Variants in LARGE1 observed in about 807,000 individuals in gnomAD.
LARGE1 encodes the protein LARGE xylosyl- and glucuronyltransferase 1.
In LARGE1, 43 loss-of-function variants were observed where a neutral mutation model predicts 87.6. That is an observed-to-expected ratio of 0.49 (90% CI 0.38 to 0.63). LARGE1 has a LOEUF of 0.63. Among genes scored for constraint, LARGE1 ranks in the 30% least tolerant of loss-of-function variants. LARGE1 has a pLI of 0.00. For synonymous variants in LARGE1, 434 were observed against 394.6 expected (o/e 1.10, Z -1.18); for missense variants, 802 against 1,000.2 (o/e 0.80, Z 2.67).
At chr22:33,160,129 T>A (rs924503256), downstream of LARGE1, among the ~76,000 whole-genome samples, 7 of 152,208 alleles carry the variant, frequency 4.6e-5, no homozygotes, top group South Asian at 8.3e-4. Flanking sequence ...ACATTCAGTG[T>A]TAAGCTTTAC....
chr22:33,639,622 G>C (rs2080368957), intron 3 of LARGE1, among the ~76,000 whole-genome samples: 1 of 152,130 alleles, frequency 6.6e-6, no homozygotes, highest in Non-Finnish European at 1.5e-5. Flanking sequence ...AAGGTCACAA[G>C]ACTAATGAGT....
At chr22:33,545,361 T>C (rs4821161) in intron 6 of LARGE1, among the ~76,000 whole-genome samples, 71,889 of 148,644 alleles carry the variant, frequency 0.48, 17,734 homozygotes, top group Admixed American at 0.57. Flanking sequence ...CAGCCTCCTG[T>C]GTTCAACTCA....
At chr22:33,317,903 T>A (rs758812758) in intron 10 of LARGE1, among the ~76,000 whole-genome samples, 5 of 152,130 alleles carry the variant, frequency 3.3e-5, no homozygotes, top group Non-Finnish European at 4.4e-5. Flanking sequence ...GGTACATGGA[T>A]GTGCACTTTC....
At chr22:33,461,983 C>T (rs1437385479) in intron 6 of LARGE1, among the ~76,000 whole-genome samples, 2 of 152,188 alleles carry the variant, frequency 1.3e-5, no homozygotes, top group African/African-American at 2.4e-5. Context: ...CCTAGCTGAG[C>T]TCCTCCTGGG....
chr22:33,206,780 T>C (rs985665237), intron 11 of LARGE1, among the ~76,000 whole-genome samples: 6 of 152,248 alleles, frequency 3.9e-5, no homozygotes, highest in East Asian at 1.9e-4. Context: ...TGAACAATCA[T>C]GTACTTGGTG....
At chr22:33,740,974 AAG>A (rs2083859177) in intron 2 of LARGE1, among the ~76,000 whole-genome samples, 1 of 152,212 alleles carries the variant, frequency 6.6e-6, no homozygotes, top group Non-Finnish European at 1.5e-5. Context: ...AGAATCCCAG[AAG>A]AGTAGGCCTT....
chr22:33,416,589 A>G (rs1311498387), intron 7 of LARGE1, among the ~76,000 whole-genome samples: 1 of 151,826 alleles, frequency 6.6e-6, no homozygotes, highest in Non-Finnish European at 1.5e-5. Flanking sequence ...GTGCAAGTAG[A>G]CACCCATTTT....
intron 3 of LARGE1, among the ~76,000 whole-genome samples, chr22:33,645,003 A>G (rs1304746665): frequency 2.0e-5 from 3 of 152,242 alleles, no homozygotes; most frequent in Non-Finnish European, 4.4e-5. Flanking sequence ...TATATATTCA[A>G]TGCTATTCCC....
intron 11 of LARGE1, among the ~76,000 whole-genome samples, chr22:33,201,089 A>C (rs1234575520): frequency 6.6e-6 from 1 of 152,194 alleles, no homozygotes; most frequent in African/African-American, 2.4e-5. Flanking sequence ...CTGGGGGATC[A>C]CTTGAGGTCA....
chr22:33,615,153 A>G (rs1045908074), intron 4 of LARGE1, among the ~76,000 whole-genome samples: 4 of 152,166 alleles, frequency 2.6e-5, no homozygotes, highest in Non-Finnish European at 5.9e-5. Context: ...GCTAGATGGA[A>G]TCTTAGCATG....
chr22:33,466,693 TAC>T (rs536654371), intron 6 of LARGE1, among the ~76,000 whole-genome samples: 41 of 145,018 alleles, frequency 2.8e-4, no homozygotes, highest in East Asian at 8.2e-4. Flanking sequence ...TCTCTCTCTC[TAC>T]ACACACACAC....
intron 11 of LARGE1, among the ~76,000 whole-genome samples, chr22:33,264,638 G>C (rs1470536613): frequency 6.6e-6 from 1 of 152,128 alleles, no homozygotes; most frequent in Non-Finnish European, 1.5e-5. Flanking sequence ...CAGCCCGAGC[G>C]ACAGAGTGAG....
chr22:33,813,954 C>A (rs1402295311), intron 1 of LARGE1, among the ~76,000 whole-genome samples: 1 of 150,862 alleles, frequency 6.6e-6, no homozygotes, highest in African/African-American at 2.5e-5. Context: ...CACACTCTTG[C>A]AACAAGCCTA....
intron 2 of LARGE1, among the ~76,000 whole-genome samples, chr22:33,738,030 C>T (rs1018887547): frequency 6.6e-6 from 1 of 152,150 alleles, no homozygotes; most frequent in African/African-American, 2.4e-5. Flanking sequence ...TAATACAATT[C>T]AGTGTGAGGG....
At chr22:33,201,344 A>AAGAGAGAGAAAGAG (rs1415864224) in intron 11 of LARGE1, among the ~76,000 whole-genome samples, 47 of 90,682 alleles carry the variant, frequency 5.2e-4, no homozygotes, top group African/African-American at 2.2e-3. Context: ...GAGAGAAAGA[A>AAGAGAGAGAAAGAG]AGAGAGAGAA....
chr22:33,276,704 T>C (rs1461668768), intron 14 of LARGE1, among the ~76,000 whole-genome samples: 1 of 152,248 alleles, frequency 6.6e-6, no homozygotes, highest in Non-Finnish European at 1.5e-5. Context: ...CTTTGTCATG[T>C]ATATGGAACT....
At chr22:33,350,734 C>A (rs1002200386) in intron 9 of LARGE1, among the ~76,000 whole-genome samples, 1 of 152,196 alleles carries the variant, frequency 6.6e-6, no homozygotes, top group Non-Finnish European at 1.5e-5. Context: ...CTTTTGTCTG[C>A]CCCGCATCAC....
At chr22:33,849,752 C>G (rs187132550) in intron 1 of LARGE1, among the ~76,000 whole-genome samples, 70 of 152,086 alleles carry the variant, frequency 4.6e-4, no homozygotes, top group Non-Finnish European at 8.1e-4. Flanking sequence ...ATGAGCACCA[C>G]CATGCCCAGC....
chr22:33,676,015 T>A (rs1224267520), intron 2 of LARGE1, among the ~76,000 whole-genome samples: 1 of 151,660 alleles, frequency 6.6e-6, no homozygotes, highest in East Asian at 1.9e-4. Flanking sequence ...TTTTTTTTTT[T>A]AAGTACTTAT....
Sources: gnomAD v4.1 joint callset for allele counts (sites outside exome capture counted in the v4.1 genomes callset) on GRCh38, gnomAD v4.1.1 for gene constraint, MANE v1.5 for transcripts, NCBI Gene and HGNC (gene_info 2026-07-23, HGNC 2026-07-21) for gene names.